Variants in GPC3 observed in about 807,000 individuals in gnomAD.
GPC3 encodes glypican-3.
Under a neutral mutation model 34.4 loss-of-function variants are expected in GPC3, and 3 were observed. The observed-to-expected ratio is 0.09, with a 90% CI of 0.04 to 0.23. GPC3 has a LOEUF of 0.23. Ranked by LOEUF, GPC3 falls within the 10% of genes least tolerant of loss-of-function variation. GPC3 has a pLI of 1.00. For missense variants in GPC3, 351 were observed against 445.6 expected, an observed-to-expected ratio of 0.79 and a Z score of 1.91; for synonymous variants, 177 against 174.0, an observed-to-expected ratio of 1.02 and a Z score of -0.13.
At chrX:133,807,549 T>C (rs1371948753) in intron 2 of GPC3, among the ~76,000 whole-genome samples, 2 of 111,770 alleles carry the variant, frequency 1.8e-5, no homozygotes, top group African/African-American at 6.5e-5. Flanking sequence ...TATGAGTCTC[T>C]AGAGGGTGAG....
intron 2 of GPC3, among the ~76,000 whole-genome samples, chrX:133,844,013 T>C (rs1343984209): frequency 9.0e-6 from 1 of 110,912 alleles, no homozygotes; most frequent in African/African-American, 3.3e-5. Context: ...GTGAAAAGAG[T>C]AATCAACATG....
intron 2 of GPC3, among the ~76,000 whole-genome samples, chrX:133,856,522 G>A (rs1350638226): frequency 3.6e-5 from 4 of 110,774 alleles, no homozygotes; most frequent in Admixed American, 9.6e-5. Context: ...TGATTTTACT[G>A]CTCTTTTTAA....
chrX:133,831,194 C>T (rs2075773785), intron 2 of GPC3, among the ~76,000 whole-genome samples: 2 of 111,613 alleles, frequency 1.8e-5, no homozygotes, highest in Non-Finnish European at 3.8e-5. Flanking sequence ...ATGATGTGTA[C>T]TTGAATCTAC....
chrX:133,707,385 T>G (rs1263036557), intron 3 of GPC3, among the ~76,000 whole-genome samples: 2 of 112,047 alleles, frequency 1.8e-5, no homozygotes, highest in Admixed American at 9.5e-5. Context: ...TGTGATGTTT[T>G]TATGTTTCTG....
intron 3 of GPC3, chrX:133,704,165 C>T (rs1356063668): frequency 4.8e-6 from 4 of 835,559 alleles, no homozygotes; most frequent in South Asian, 7.1e-5. Context: ...TCACCCACAG[C>T]AGGACTTCAC....
intron 2 of GPC3, among the ~76,000 whole-genome samples, chrX:133,830,398 G>C (rs1188421036): frequency 1.8e-5 from 2 of 111,748 alleles, no homozygotes; most frequent in Non-Finnish European, 1.9e-5. Flanking sequence ...AATTTTGGGG[G>C]CTGGGCATGG....
chrX:133,671,364 C>A, intron 5 of GPC3: 1 of 579,491 alleles, frequency 1.7e-6, no homozygotes, highest in East Asian at 3.3e-5. Context: ...AATGTTGGTG[C>A]TGGCAAAAAG....
intron 6 of GPC3, among the ~76,000 whole-genome samples, chrX:133,654,850 G>A (rs2070639506): frequency 8.9e-6 from 1 of 112,083 alleles, no homozygotes; most frequent in Non-Finnish European, 1.9e-5. Flanking sequence ...AGTCTATATT[G>A]TTTGACAGAA....
intron 5 of GPC3, among the ~76,000 whole-genome samples, chrX:133,679,448 A>G (rs2070918195): frequency 9.0e-6 from 1 of 111,138 alleles, no homozygotes; most frequent in African/African-American, 3.3e-5. Context: ...AGGAGAAAAC[A>G]AAATAGAGTT....
Position 133,754,180 on chromosome X carries a change from T to TA in GPC3, c.338-5dup, listed in dbSNP as rs370737647. On this transcript the variant is annotated splice_region_variant and splice_polypyrimidine_tract_variant and intron_variant, in intron 2 of 7. Coordinates refer to ENST00000370818, the MANE Select transcript of GPC3 (RefSeq NM_004484.4). Reference sequence around the variant, plus strand: ...CGAACAACAATTTCAAAGGCCTCTGTAAAAAAAAAAAAAAAAGAGACACAA... The same window carrying TA: ...CGAACAACAATTTCAAAGGCCTCTGTAAAAAAAAAAAAAAAAAGAGACACAA... The TA allele has an allele frequency of 0.071, 61,217 of 863,654 alleles. 24 individuals carry two copies. The highest frequency in any genetic ancestry group is 0.077 in the Non-Finnish European group (48,935 of 636,746). 71.2% of individuals were successfully genotyped at this position (863,654 alleles called of 1,213,427 possible). A position where few individuals can be genotyped will look rare whatever the true frequency, so the allele number is the denominator to read the frequency against.
At chrX:133,638,931 G>A (rs756099937) in intron 6 of GPC3, among the ~76,000 whole-genome samples, 33 of 111,348 alleles carry the variant, frequency 3.0e-4, no homozygotes, top group African/African-American at 1.0e-3. Context: ...CATGAGTCCC[G>A]TGGGCCGTGG....
At chrX:133,651,390 C>T (rs1569405962) in intron 6 of GPC3, among the ~76,000 whole-genome samples, 1 of 110,612 alleles carries the variant, frequency 9.0e-6, no homozygotes, top group East Asian at 2.8e-4. Flanking sequence ...GCCAAATTAT[C>T]ACAATATTTG....
intron 1 of GPC3, among the ~76,000 whole-genome samples, chrX:133,981,660 C>T (rs1247291216): frequency 1.8e-5 from 2 of 112,341 alleles, no homozygotes; most frequent in Non-Finnish European, 3.8e-5. Context: ...TCTCTCTGGA[C>T]ATTAGGACCG....
chrX:133,896,906 CT>C (rs1377700485), intron 2 of GPC3, among the ~76,000 whole-genome samples: 4,053 of 92,289 alleles, frequency 0.044, 79 homozygotes, highest in Middle Eastern at 0.067. Context: ...ACTCTGTGAC[CT>C]TTTTTTTTTT....
chrX:133,944,901 T>C lies in GPC3; in HGVS notation c.337+8149A>G, dbSNP rs1262550388. 4.5e-5 allele frequency among the ~76,000 whole-genome samples: 5 copies of C among 111,457 alleles called. No individual in the cohort carries two copies. In the Admixed American group the frequency reaches 4.8e-4, roughly 11 times the overall value. ...ATGAATGGCTCAGAGAGAAGTGGCCTGCCCTTGGTCACAAAGAGAGGAAAG... is the reference window on the plus strand; with the variant it reads ...ATGAATGGCTCAGAGAGAAGTGGCCCGCCCTTGGTCACAAAGAGAGGAAAG... On this transcript the variant is annotated intron_variant, in intron 2 of 7. Transcript: ENST00000370818.
At chrX:133,698,277 T>C (rs956532836) in intron 4 of GPC3, among the ~76,000 whole-genome samples, 1 of 112,112 alleles carries the variant, frequency 8.9e-6, no homozygotes, top group African/African-American at 3.2e-5. Flanking sequence ...CTATTCTGAT[T>C]GTACTAGTTG....
At chrX:133,704,089 C>T in intron 3 of GPC3, 1 of 358,546 alleles carries the variant, frequency 2.8e-6, no homozygotes, top group South Asian at 1.1e-4. Flanking sequence ...CAAGCTTGGT[C>T]TAGATCATGC....
At chrX:133,601,345 G>A (rs986067421) in intron 6 of GPC3, among the ~76,000 whole-genome samples, 2 of 111,997 alleles carry the variant, frequency 1.8e-5, no homozygotes, top group African/African-American at 6.5e-5. Flanking sequence ...AATTGAACTT[G>A]CATTTGGGAA....
chrX:133,969,304 C>T (rs1032143493), intron 1 of GPC3, among the ~76,000 whole-genome samples: 1 of 111,542 alleles, frequency 9.0e-6, no homozygotes, highest in Non-Finnish European at 1.9e-5. Context: ...ACCCTGCTTA[C>T]CTAAATGAGA....
Sources: gnomAD v4.1 joint callset for allele counts (sites outside exome capture counted in the v4.1 genomes callset) on GRCh38, gnomAD v4.1.1 for gene constraint, MANE v1.5 for transcripts, NCBI Gene and HGNC (gene_info 2026-07-23, HGNC 2026-07-21) for gene names.